Variants in MSH3 observed in about 807,000 individuals in gnomAD.
MSH3 encodes the protein DNA mismatch repair protein Msh3.
A neutral mutation model predicts 123.3 loss-of-function variants in MSH3; 106 were observed. The ratio of observed to expected loss-of-function variants is 0.86; its 90% confidence interval spans 0.73 to 1.01. The LOEUF is 1.01. MSH3 is among the 50% of genes least tolerant of loss of function. MSH3 has a pLI of 0.00. For missense variants in MSH3, 1,459 were observed against 1,347.6 expected, an observed-to-expected ratio of 1.08 and a Z score of -1.29; for synonymous variants, 515 against 481.4, an observed-to-expected ratio of 1.07 and a Z score of -0.91.
intron 23 of MSH3, among the ~76,000 whole-genome samples, chr5:80,874,913 T>C (rs1232159115): frequency 6.6e-6 from 1 of 152,238 alleles, no homozygotes; most frequent in Non-Finnish European, 1.5e-5. Flanking sequence ...TCTGATCATT[T>C]ATCAAGATAC....
intron 21 of MSH3, among the ~76,000 whole-genome samples, chr5:80,861,252 TG>T (rs1424920099): frequency 1.3e-5 from 2 of 152,200 alleles, no homozygotes; most frequent in Non-Finnish European, 2.9e-5. Flanking sequence ...TATGATGTAT[TG>T]GGTAAAAGGA....
chr5:80,829,498 T>G (rs997591460), intron 20 of MSH3, among the ~76,000 whole-genome samples: 5 of 152,216 alleles, frequency 3.3e-5, no homozygotes, highest in African/African-American at 1.2e-4. Context: ...TATGATCATG[T>G]GATTTTTCTT....
chr5:80,789,618 G>A (rs1413692409), intron 18 of MSH3, among the ~76,000 whole-genome samples: 2 of 152,154 alleles, frequency 1.3e-5, no homozygotes, highest in African/African-American at 4.8e-5. Flanking sequence ...CAATCCACCT[G>A]CCTTGGCCTT....
At chr5:80,795,379 T>C (rs906248091) in intron 19 of MSH3, among the ~76,000 whole-genome samples, 25 of 151,990 alleles carry the variant, frequency 1.6e-4, no homozygotes, top group African/African-American at 6.0e-4. Flanking sequence ...TTCCTCAGAG[T>C]TCTAGAGGCT....
intron 8 of MSH3, among the ~76,000 whole-genome samples, chr5:80,691,948 T>G (rs185525752): frequency 0.029 from 2,368 of 82,366 alleles, 327 homozygotes; most frequent in East Asian, 0.06. Context: ...TATATGTTTA[T>G]ATAGATAAAC....
intron 13 of MSH3, among the ~76,000 whole-genome samples, chr5:80,767,056 T>G (rs918064758): frequency 3.3e-5 from 5 of 152,204 alleles, no homozygotes; most frequent in African/African-American, 1.2e-4. Flanking sequence ...TCTATACTGA[T>G]GCAAACAGAT....
intron 20 of MSH3, among the ~76,000 whole-genome samples, chr5:80,852,491 TAGAC>T (rs1412926695): frequency 6.6e-6 from 1 of 152,114 alleles, no homozygotes; most frequent in African/African-American, 2.4e-5. Context: ...CAAACAGTGG[TAGAC>T]AGGGTGAACC....
Position 80,845,830 on chromosome 5 carries a change from C to T in MSH3, c.2814-8300C>T, listed in dbSNP as rs531659095. On this transcript the variant is annotated intron_variant, in intron 20 of 23. Coordinates refer to ENST00000265081, the MANE Select transcript of MSH3 (RefSeq NM_002439.5). ...ACCTTTTTTCAAGGTTTTCAGCTTC[C>T]ATGTGATGGGTTAGAACATGCTCCT... is the stretch of plus-strand genomic sequence containing the variant. Among the ~76,000 whole-genome samples the T allele has an allele frequency of 2.6e-5, 4 of 152,192 alleles. No individual in the cohort carries two copies. The South Asian group carries it at 8.3e-4, about 32-fold the overall frequency.
At chr5:80,723,241 G>A (rs1751125121) in intron 8 of MSH3, among the ~76,000 whole-genome samples, 1 of 152,050 alleles carries the variant, frequency 6.6e-6, no homozygotes, top group East Asian at 1.9e-4. Context: ...AGCAAGGTAG[G>A]GACCTTGCCA....
chr5:80,844,727 C>CT (rs140570977), intron 20 of MSH3, among the ~76,000 whole-genome samples: 105,175 of 150,054 alleles, frequency 0.7, 36,764 homozygotes, highest in South Asian at 0.79. Flanking sequence ...GCAACCCCTG[C>CT]TTTTTTTTTG....
chr5:80,679,746 A>T (rs560724254), intron 8 of MSH3, among the ~76,000 whole-genome samples: 3 of 152,328 alleles, frequency 2.0e-5, no homozygotes, highest in Admixed American at 6.5e-5. Flanking sequence ...TGAGAGTCAG[A>T]TGTGTGCATA....
intron 13 of MSH3, among the ~76,000 whole-genome samples, chr5:80,765,781 C>T (rs1331637752): frequency 6.6e-6 from 1 of 152,058 alleles, no homozygotes; most frequent in Non-Finnish European, 1.5e-5. Flanking sequence ...CCATGTCTTC[C>T]TCTTCGTTTA....
intron 8 of MSH3, among the ~76,000 whole-genome samples, chr5:80,724,663 A>C (rs1291083081): frequency 6.6e-6 from 1 of 152,208 alleles, no homozygotes; most frequent in African/African-American, 2.4e-5. Context: ...GAGTTAACCT[A>C]ATTTACTATA....
At position 80,769,789 on chromosome 5, in the gene MSH3, C is replaced by T. The variant is rs563133974; in HGVS notation, c.2253+786C>T. Among the ~76,000 whole-genome samples, 106 of 151,890 alleles carry T rather than the reference C, an allele frequency of 7.0e-4. 1 individual carries two copies. The highest frequency in any genetic ancestry group is 2.4e-3 in the African/African-American group (101 of 41,498). Reference sequence around the variant, plus strand: ...GATTTTCAAAAAATAGATATTTTTCCGGTGGGGAAGAACTTAATTTCAAAT... The same window carrying T: ...GATTTTCAAAAAATAGATATTTTTCTGGTGGGGAAGAACTTAATTTCAAAT... On this transcript the variant is annotated intron_variant, in intron 15 of 23. Transcript: ENST00000265081.
At chr5:80,807,190 C>CAA (rs34405208) in intron 19 of MSH3, among the ~76,000 whole-genome samples, 3,432 of 90,826 alleles carry the variant, frequency 0.038, 82 homozygotes, top group Non-Finnish European at 0.045. Context: ...TACCCTGTCT[C>CAA]AAAAAAAAAA....
At chr5:80,748,396 A>G (rs1743760534) in intron 12 of MSH3, among the ~76,000 whole-genome samples, 1 of 152,068 alleles carries the variant, frequency 6.6e-6, no homozygotes. Context: ...TTACTTATTG[A>G]CTGATTCAAA....
chr5:80,676,657 G>C (rs984520171), intron 7 of MSH3, among the ~76,000 whole-genome samples: 2 of 152,146 alleles, frequency 1.3e-5, no homozygotes, highest in African/African-American at 2.4e-5. Context: ...TTCTTTCAGA[G>C]AGTTAGCATT....
At chr5:80,740,173 A>G (rs1049332798) in intron 10 of MSH3, among the ~76,000 whole-genome samples, 1 of 152,218 alleles carries the variant, frequency 6.6e-6, no homozygotes. Flanking sequence ...GGAATTGTAC[A>G]TACATTTATT....
intron 6 of MSH3, among the ~76,000 whole-genome samples, chr5:80,674,614 C>T (rs1432521274): frequency 6.6e-6 from 1 of 152,152 alleles, no homozygotes; most frequent in African/African-American, 2.4e-5. Flanking sequence ...CTCTTTATAT[C>T]TTAGGAAAGA....
Sources: gnomAD v4.1 joint callset for allele counts (sites outside exome capture counted in the v4.1 genomes callset) on GRCh38, gnomAD v4.1.1 for gene constraint, MANE v1.5 for transcripts, NCBI Gene and HGNC (gene_info 2026-07-23, HGNC 2026-07-21) for gene names.